Variants in POLE2 observed in about 807,000 individuals in gnomAD.
POLE2 encodes DNA polymerase epsilon subunit 2.
POLE2 carries 56 observed loss-of-function variants against 79.4 expected under a neutral mutation model. The ratio of observed to expected loss-of-function variants is 0.71; its 90% CI spans 0.57 to 0.88. The LOEUF is 0.88. Ranked by LOEUF, POLE2 falls within the 40% of genes least tolerant of loss-of-function variation. The pLI is 0.00. For missense variants in POLE2, 598 were observed against 638.9 expected (o/e 0.94, Z 0.69); for synonymous variants, 212 against 214.0 (o/e 0.99, Z 0.08).
At chr14:49,670,517 G>T (rs1885810811) in intron 5 of POLE2, among the ~76,000 whole-genome samples, 1 of 152,008 alleles carries the variant, frequency 6.6e-6, no homozygotes, top group African/African-American at 2.4e-5. Context: ...GTTTAGGTAG[G>T]ATTGATACCC....
intron 3 of POLE2, chr14:49,677,890 C>A (rs1594610911): frequency 2.8e-6 from 1 of 362,834 alleles, no homozygotes; most frequent in South Asian, 1.1e-4. Flanking sequence ...CTGCCCAAAT[C>A]TGAACAAAGC....
intron 6 of POLE2, among the ~76,000 whole-genome samples, chr14:49,668,682 C>G (rs1340000942): frequency 6.6e-6 from 1 of 152,118 alleles, no homozygotes; most frequent in Non-Finnish European, 1.5e-5. Context: ...GGAAAAGGCT[C>G]CTGGGCTGTG....
At chr14:49,667,086 G>T (rs533175996) in intron 6 of POLE2, among the ~76,000 whole-genome samples, 2 of 152,112 alleles carry the variant, frequency 1.3e-5, no homozygotes, top group East Asian at 1.9e-4. Context: ...TACTCGGGAG[G>T]CTGAGGCAGG....
chr14:49,683,506 G>A, intron 2 of POLE2, 87 bp downstream of exon 2: 1 of 648,402 alleles, frequency 1.5e-6, no homozygotes, highest in East Asian at 2.6e-5. Context: ...TAATAGTGAA[G>A]CCTCAACTTC....
At chr14:49,684,753 C>T (rs1013056941) in intron 1 of POLE2, 2 of 150,852 alleles carry the variant, frequency 1.3e-5, no homozygotes, top group East Asian at 3.9e-4. Context: ...ACGGGCAGAT[C>T]ACGAGGTCAG....
intron 6 of POLE2, among the ~76,000 whole-genome samples, 173 bp downstream of exon 6, chr14:49,669,351 G>C (rs913810385): frequency 6.6e-6 from 1 of 152,200 alleles, no homozygotes; most frequent in African/African-American, 2.4e-5. Context: ...AGAGATTTGT[G>C]GGACACAGGA....
chr14:49,685,315 T>C (rs915831122), intron 1 of POLE2, among the ~76,000 whole-genome samples: 2 of 152,196 alleles, frequency 1.3e-5, no homozygotes, highest in Non-Finnish European at 2.9e-5. Flanking sequence ...GAATTATAGA[T>C]AACTTTAAAA....
chr14:49,654,544 TTAAG>T (rs2139621914), intron 13 of POLE2: 1 of 466,762 alleles, frequency 2.1e-6, no homozygotes, highest in East Asian at 3.8e-5. Flanking sequence ...CTCTAGACTC[TTAAG>T]AGTAATGCCA....
chr14:49,666,616 T>A (rs1464488383), intron 6 of POLE2, among the ~76,000 whole-genome samples: 1 of 152,178 alleles, frequency 6.6e-6, no homozygotes, highest in Admixed American at 6.5e-5. Flanking sequence ...TAAGATCAAG[T>A]GTATGATGCC....
chr14:49,648,547 G>A (rs1356346119), intron 17 of POLE2, among the ~76,000 whole-genome samples: 1 of 152,206 alleles, frequency 6.6e-6, no homozygotes, highest in East Asian at 1.9e-4. Flanking sequence ...AACCAAATCA[G>A]TTAACTGTGT....
intron 10 of POLE2, among the ~76,000 whole-genome samples, chr14:49,657,815 T>C (rs574854824): frequency 3.9e-5 from 6 of 152,310 alleles, no homozygotes; most frequent in Middle Eastern, 3.4e-3. Flanking sequence ...ACTGAACCAT[T>C]GCTCCTTGGG....
At chr14:49,647,642 G>T (rs12895915) in intron 17 of POLE2, among the ~76,000 whole-genome samples, 34,639 of 151,790 alleles carry the variant, frequency 0.23, 4,254 homozygotes, top group Admixed American at 0.3. Context: ...TTTGTAAAGA[G>T]GGACAGGGTT....
chr14:49,659,460 A>AT (rs1884946292), intron 10 of POLE2, among the ~76,000 whole-genome samples: 2 of 152,240 alleles, frequency 1.3e-5, no homozygotes, highest in East Asian at 3.9e-4. Flanking sequence ...CAAAGAAACA[A>AT]TTTTTGTGCA....
chr14:49,684,152 A>G (rs183706443), intron 1 of POLE2, among the ~76,000 whole-genome samples: 1 of 152,262 alleles, frequency 6.6e-6, no homozygotes, highest in East Asian at 1.9e-4. Context: ...CACTGTTTTC[A>G]ATTGTAAAAT....
At chr14:49,662,288 C>T (rs2139643885) in intron 10 of POLE2, among the ~76,000 whole-genome samples, 1 of 152,342 alleles carries the variant, frequency 6.6e-6, no homozygotes, top group African/African-American at 2.4e-5. Flanking sequence ...TACAGGCATA[C>T]TAAAACTAAA....
Position 49,669,576 on chromosome 14 carries a change from A to T in POLE2, c.440T>A (p.Phe147Tyr). The change falls in exon 6 of 19, where the codon TTT becomes TAT. Residue 147 changes from phenylalanine to tyrosine, a missense_variant. Phe to Tyr is a conservative substitution (Grantham distance 22, BLOSUM62 3). Transcript: ENST00000216367. ...LHQRTHRHEL[F>Y]TPPVIGSHPD... is the part of the protein sequence containing the mutation. ...GTGAGAACCTATCACCGGAGGAGTA[A>T]ATAATTCATGCCTGTGGGTCCTCTA... 6.3e-7 allele frequency: 1 copy of T among 1,592,760 alleles called. No homozygotes were observed. Among genetic ancestry groups the T allele is most frequent in the African/African-American group, 1.3e-5 (1 of 74,604 alleles).
rs533300344 is a variant in POLE2 at position 49,684,142 on chromosome 14, C to T, written c.69-449G>A. On this transcript the variant is annotated intron_variant, in intron 1 of 18. Transcript: ENST00000216367. ...CTTGTTCAAAGTAAATTCCAATAAT[C>T]ACTGTTTTCAATTGTAAAATAAGAA... Among the ~76,000 whole-genome samples the T allele has an allele frequency of 7.2e-5, 11 of 152,138 alleles. 1 individual carries two copies. The highest frequency in any genetic ancestry group is 4.4e-5 in the Non-Finnish European group (3 of 68,034).
At chr14:49,644,702 A>G (rs1232764309) in intron 18 of POLE2, among the ~76,000 whole-genome samples, 3 of 151,920 alleles carry the variant, frequency 2.0e-5, no homozygotes, top group Non-Finnish European at 4.4e-5. Context: ...ATAAGTACAA[A>G]TATTTAGATA....
intron 1 of POLE2, 29 bp downstream of exon 1, chr14:49,688,107 C>T: frequency 6.6e-7 from 1 of 1,523,188 alleles, no homozygotes; most frequent in Non-Finnish European, 8.9e-7. Context: ...TCTTCCCTCT[C>T]GCCCTTCAAG....
Sources: allele counts gnomAD v4.1 joint callset (sites outside exome capture counted in the v4.1 genomes callset), GRCh38; gene constraint gnomAD v4.1.1; transcripts MANE v1.5; gene names NCBI Gene and HGNC (gene_info 2026-07-23, HGNC 2026-07-21).